FBXO36: variants seen among roughly 807,000 people sequenced by gnomAD.
FBXO36 encodes F-box protein 36.
Under a neutral mutation model 17.0 loss-of-function variants are expected in FBXO36, and 18 were observed. The ratio of observed to expected loss-of-function variants is 1.06; its 90% confidence interval spans 0.73 to 1.57. The LOEUF (loss-of-function observed/expected upper bound fraction) is 1.57, where lower values mean the gene tolerates loss of function less well. Ranked by LOEUF, FBXO36 falls within the 40% of genes most tolerant of loss-of-function variation. The pLI is 0.00. For synonymous variants in FBXO36, 83 were observed against 85.3 expected, an observed-to-expected ratio of 0.97 and a Z score of 0.15; for missense variants, 229 against 221.9, an observed-to-expected ratio of 1.03 and a Z score of -0.20.
chr2:229,922,549 T>C lies in FBXO36; in HGVS notation c.36T>C (p.Thr12=), dbSNP rs1341099535. The change falls in exon 1 of 4, where the codon ACT becomes ACC. Residue 12 remains threonine (T), a synonymous_variant. Coordinates refer to ENST00000283946, the MANE Select transcript of FBXO36 (RefSeq NM_174899.5). ...GGCTGCCGGAGACTCTCTTTGAAAC[T>C]GTAGGACAAGGCCCGCCGCCTAGCA... ...ASWLPETLFE[T]VGQGPPPSKD... 1.9e-6 allele frequency: 3 copies of C among 1,613,932 alleles called. No individual in the cohort carries two copies. The highest frequency in any genetic ancestry group is 1.7e-6 in the Non-Finnish European group (2 of 1,180,008).
intron 3 of FBXO36, among the ~76,000 whole-genome samples, chr2:230,005,004 C>T (rs1324183753): frequency 1.3e-5 from 2 of 152,134 alleles, no homozygotes; most frequent in African/African-American, 4.8e-5. Context: ...GGAACTCCAT[C>T]TCAAAAATAA....
intron 1 of FBXO36, among the ~76,000 whole-genome samples, chr2:229,939,928 C>T (rs1299545819): frequency 6.6e-6 from 1 of 152,086 alleles, no homozygotes; most frequent in Admixed American, 6.5e-5. Flanking sequence ...CAAAAACATA[C>T]AAAAATTAGC....
intron 1 of FBXO36, among the ~76,000 whole-genome samples, chr2:229,966,317 C>T (rs1189526683): frequency 6.6e-6 from 1 of 152,058 alleles, no homozygotes; most frequent in African/African-American, 2.4e-5. Context: ...AATTTTCTCC[C>T]GTTCTGTAGG....
At position 229,994,981 on chromosome 2, in the gene FBXO36, G is replaced by T. The variant is rs1198342190; in HGVS notation, c.206-1770G>T. Among the ~76,000 whole-genome samples the T allele has an allele frequency of 2.0e-5, 3 of 152,222 alleles. No homozygotes were observed. The South Asian group carries it at 6.2e-4, about 32-fold the overall frequency. On this transcript the variant is annotated intron_variant, in intron 2 of 3. Coordinates refer to ENST00000283946, the MANE Select transcript of FBXO36 (RefSeq NM_174899.5). ...ATACAAAAATTAGCCGGGCATGGTG[G>T]TGGGTGCCTGTAATCCCAGCTACTC...
chr2:229,966,555 G>A (rs1390156829), intron 1 of FBXO36, among the ~76,000 whole-genome samples: 1 of 152,112 alleles, frequency 6.6e-6, no homozygotes, highest in African/African-American at 2.4e-5. Flanking sequence ...ATTTATTTTT[G>A]TATAAGGTGT....
At chr2:230,002,259 A>C (rs969677141) in intron 3 of FBXO36, among the ~76,000 whole-genome samples, 1 of 152,166 alleles carries the variant, frequency 6.6e-6, no homozygotes, top group Non-Finnish European at 1.5e-5. Context: ...ACTAAAATAC[A>C]GATGTTATTA....
chr2:229,956,541 G>A (rs2077088980), intron 1 of FBXO36, among the ~76,000 whole-genome samples: 1 of 152,118 alleles, frequency 6.6e-6, no homozygotes, highest in Non-Finnish European at 1.5e-5. Flanking sequence ...ATGATTTGAG[G>A]GAGAGAAAGA....
At chr2:229,979,169 CA>C (rs11368097) in intron 2 of FBXO36, among the ~76,000 whole-genome samples, 32,859 of 129,388 alleles carry the variant, frequency 0.25, 4,489 homozygotes, top group Middle Eastern at 0.42. Flanking sequence ...TACTCTGTCT[CA>C]AAAAAAAAAA....
intron 1 of FBXO36, among the ~76,000 whole-genome samples, chr2:229,941,863 A>G (rs376722861): frequency 6.6e-5 from 10 of 152,112 alleles, no homozygotes; most frequent in African/African-American, 2.2e-4. Context: ...CTAAAATACA[A>G]AAATTGGCCG....
intron 1 of FBXO36, among the ~76,000 whole-genome samples, chr2:229,926,425 A>G (rs2076912630): frequency 6.6e-6 from 1 of 151,842 alleles, no homozygotes; most frequent in African/African-American, 2.4e-5. Context: ...AGCAAGACTC[A>G]GTCTTTAAAA....
At chr2:229,952,148 A>G (rs904235214) in intron 1 of FBXO36, among the ~76,000 whole-genome samples, 4 of 152,158 alleles carry the variant, frequency 2.6e-5, no homozygotes, top group African/African-American at 7.2e-5. Flanking sequence ...ATTTATAACT[A>G]TCATAACCAG....
At chr2:229,975,290 C>G (rs1255062361) in intron 1 of FBXO36, among the ~76,000 whole-genome samples, 1 of 152,048 alleles carries the variant, frequency 6.6e-6, no homozygotes, top group African/African-American at 2.4e-5. Context: ...AACTGTTGCT[C>G]TCTGTGGGAA....
rs1203042184 is a variant in FBXO36, at chr2:230,013,021, A to G, written c.*2137A>G. 4 of 151,414 alleles carry G rather than the reference A, an allele frequency of 2.6e-5. No homozygotes were observed. The East Asian group carries it at 5.8e-4, about 22-fold the overall frequency. The allele number at this position is 151,414 out of a possible 1,614,324, so 9.4% of individuals were successfully genotyped here. A position where few individuals can be genotyped will look rare whatever the true frequency, so the allele number is the denominator to read the frequency against. ...TAAAAATGTTATAAAAATAAATGCT[A>G]AAGTAAATAAAAAAAGAGCCATTAA... On this transcript the variant is annotated 3_prime_UTR_variant, in exon 4 of 4. Transcript: ENST00000283946.
chr2:229,923,847 G>GTTTTTTTTTTTTTTTTTTTT (rs71045800), intron 1 of FBXO36, among the ~76,000 whole-genome samples: 3 of 77,710 alleles, frequency 3.9e-5, no homozygotes, highest in African/African-American at 1.0e-4. Context: ...TTTTGGTGTT[G>GTTTTTTTTTTTTTTTTTTTT]TTTTTTTTTT....
At chr2:229,996,211 G>A (rs1432468096) in intron 2 of FBXO36, among the ~76,000 whole-genome samples, 1 of 151,738 alleles carries the variant, frequency 6.6e-6, no homozygotes, top group Non-Finnish European at 1.5e-5. Flanking sequence ...CTGGGAGGTC[G>A]AGGCTGCAGT....
chr2:229,965,736 G>T (rs913691229), intron 1 of FBXO36, among the ~76,000 whole-genome samples: 1 of 152,196 alleles, frequency 6.6e-6, no homozygotes, highest in South Asian at 2.1e-4. Flanking sequence ...AGTATTCTAC[G>T]GTGTATATGT....
rs2077411918 is a variant in FBXO36 at position 230,010,811 on chromosome 2, A to G, written c.494A>G (p.Asn165Ser). Residue 165 changes from asparagine to serine, a missense_variant, in exon 4 of 4, where the codon AAC becomes AGC. Asn to Ser is a conservative substitution (Grantham distance 46). Transcript: ENST00000283946. ...DTGWRQLFFT[N>S]KLQLQRQLRK... is the part of the protein sequence containing the mutation. The stretch of plus-strand genomic sequence containing the variant: ...GGCTGGAGACAGCTGTTCTTCACCA[A>G]CAAGCTCCAGCTCCAGCGGCAGCTC... The G allele has an allele frequency of 3.1e-6, 5 of 1,613,840 alleles. No homozygotes were observed. The highest frequency in any genetic ancestry group is 4.2e-6 in the Non-Finnish European group (5 of 1,179,856).
chr2:229,961,595 C>T (rs973431146), intron 1 of FBXO36, among the ~76,000 whole-genome samples: 5 of 152,026 alleles, frequency 3.3e-5, no homozygotes, highest in Admixed American at 6.6e-5. Context: ...ACGATGGTCT[C>T]GATCTCCTGA....
intron 3 of FBXO36, among the ~76,000 whole-genome samples, chr2:230,008,988 A>C (rs2077401262): frequency 2.0e-5 from 3 of 152,198 alleles, no homozygotes; most frequent in Non-Finnish European, 4.4e-5. Context: ...AAAGGATCTT[A>C]AGCAATTATG....
Sources: gnomAD v4.1 joint callset for allele counts (sites outside exome capture counted in the v4.1 genomes callset) on GRCh38, gnomAD v4.1.1 for gene constraint, MANE v1.5 for transcripts, NCBI Gene and HGNC (gene_info 2026-07-23, HGNC 2026-07-21) for gene names.